The following JAK2 variants were observed in gnomAD, a reference collection of about 807,000 sequenced individuals.
The protein encoded by JAK2 is Janus kinase 2.
In JAK2, 86 loss-of-function variants were observed where a neutral mutation model predicts 139.3. The ratio of observed to expected loss-of-function variants is 0.62; its 90% CI spans 0.52 to 0.74. The LOEUF (loss-of-function observed/expected upper bound fraction) is 0.74, where lower values mean the gene tolerates loss of function less well. JAK2 is among the 30% of genes least tolerant of loss of function. The pLI is 0.00. For missense variants in JAK2, 1,421 were observed against 1,360.3 expected, an observed-to-expected ratio of 1.04 and a Z score of -0.70; for synonymous variants, 490 against 437.7, an observed-to-expected ratio of 1.12 and a Z score of -1.49.
chr9:5,041,873 C>G lies in JAK2; in HGVS notation c.351-2530C>G, dbSNP rs190525336. Reference sequence around the variant, plus strand: ...ACGCGGACGACCCCATGGCCGGCCACTCCAGCGCCCATCAGGGCGCCTGCA... The same window carrying G: ...ACGCGGACGACCCCATGGCCGGCCAGTCCAGCGCCCATCAGGGCGCCTGCA... On this transcript the variant is annotated intron_variant, in intron 4 of 24. Coordinates refer to ENST00000381652, the MANE Select transcript of JAK2 (RefSeq NM_004972.4). 54 of 437,390 alleles carry G rather than the reference C, an allele frequency of 1.2e-4. No homozygotes were observed. In the East Asian group the frequency reaches 3.2e-3, roughly 26 times the overall value. 27.1% of individuals were successfully genotyped at this position (437,390 alleles called of 1,614,324 possible).
At chr9:4,998,235 G>A (rs762150602) in intron 2 of JAK2, among the ~76,000 whole-genome samples, 2 of 151,944 alleles carry the variant, frequency 1.3e-5, no homozygotes, top group African/African-American at 4.8e-5. Flanking sequence ...GAGATCTTAA[G>A]GGAAAAAAAA....
intron 13 of JAK2, among the ~76,000 whole-genome samples, chr9:5,073,326 G>GT (rs1183183885): frequency 1.3e-5 from 2 of 152,182 alleles, no homozygotes; most frequent in East Asian, 3.8e-4. Context: ...TCTTTAGCAA[G>GT]TGTTATTTAA....
rs138754138 is a variant in JAK2 at position 5,009,962 on chromosome 9, A to G, written c.-25-12001A>G. Among the ~76,000 whole-genome samples, 641 of 152,226 alleles carry G rather than the reference A, an allele frequency of 4.2e-3. 7 individuals carry two copies. The highest frequency in any genetic ancestry group is 0.015 in the African/African-American group (617 of 41,534). ...TTTTAGATTTCTTTTTTGTAGAGAC[A>G]GGGTCTCGCAATGTTGCCGGGGCTA... On this transcript the variant is annotated intron_variant, in intron 2 of 24. Transcript: ENST00000381652.
intron 4 of JAK2, among the ~76,000 whole-genome samples, chr9:5,042,741 A>T (rs929008559): frequency 6.6e-6 from 1 of 152,180 alleles, no homozygotes; most frequent in Non-Finnish European, 1.5e-5. Flanking sequence ...GGAGGGACAC[A>T]GGCATTGCTG....
intron 4 of JAK2, chr9:5,041,817 C>A (rs1816556745): frequency 8.3e-6 from 4 of 484,188 alleles, no homozygotes; most frequent in South Asian, 6.1e-5. Flanking sequence ...CAGCAAAAAC[C>A]AGGCGCTGAA....
chr9:5,074,269 G>A (rs1819164894), intron 14 of JAK2, among the ~76,000 whole-genome samples: 1 of 151,984 alleles, frequency 6.6e-6, no homozygotes, highest in Non-Finnish European at 1.5e-5. Context: ...CGTACCCCAT[G>A]CTTTAATACT....
At chr9:5,080,202 C>G (rs745642873) in intron 16 of JAK2, 27 bp from the exon 17 acceptor site, 1 of 1,561,386 alleles carries the variant, frequency 6.4e-7, no homozygotes, top group East Asian at 2.3e-5. Context: ...AATTATTTAA[C>G]CCTACTCTGT....
At chr9:5,071,359 A>T (rs1413885405) in intron 12 of JAK2, among the ~76,000 whole-genome samples, 2 of 152,196 alleles carry the variant, frequency 1.3e-5, no homozygotes, top group African/African-American at 4.8e-5. Flanking sequence ...GAACTCCAGG[A>T]ACTTCCTATC....
chr9:5,045,921 G>C (rs1040709238), intron 5 of JAK2, among the ~76,000 whole-genome samples: 1 of 152,074 alleles, frequency 6.6e-6, no homozygotes, highest in African/African-American at 2.4e-5. Context: ...GGAATCGCTG[G>C]ATCATATGGT....
intron 10 of JAK2, among the ~76,000 whole-genome samples, chr9:5,067,649 C>CA (rs1818658625): frequency 6.6e-6 from 1 of 151,086 alleles, no homozygotes; most frequent in Non-Finnish European, 1.5e-5. Flanking sequence ...AGTATGAATT[C>CA]AAAAAAATAT....
chr9:5,120,414 CATG>C (rs934337743), intron 22 of JAK2, among the ~76,000 whole-genome samples: 1 of 152,138 alleles, frequency 6.6e-6, no homozygotes, highest in Non-Finnish European at 1.5e-5. Context: ...GGATTTTGCC[CATG>C]ATATCATTTT....
At chr9:5,077,135 A>G (rs886279864) in intron 14 of JAK2, among the ~76,000 whole-genome samples, 8 of 151,620 alleles carry the variant, frequency 5.3e-5, no homozygotes, top group African/African-American at 1.9e-4. Flanking sequence ...AGAGAAATTG[A>G]GAAATTTTCA....
intron 6 of JAK2, among the ~76,000 whole-genome samples, chr9:5,053,178 G>A (rs1380484281): frequency 3.3e-5 from 5 of 152,020 alleles, no homozygotes; most frequent in Non-Finnish European, 7.4e-5. Context: ...CTAGTGGGTG[G>A]AAGTGCTGTC....
At position 5,041,530 on chromosome 9, in the gene JAK2, T is replaced by C. The variant is rs12340135; in HGVS notation, c.351-2873T>C. The C allele has an allele frequency of 2.2e-3, 1,168 of 542,828 alleles. 10 individuals are homozygous for C. The highest frequency in any genetic ancestry group is 0.019 in the African/African-American group (1,005 of 52,698). The allele number at this position is 542,828 out of a possible 1,614,324, so 33.6% of individuals were successfully genotyped here. ...ACATAGCGCGCCACGCCCATCGAAG[T>C]GCTCTGCGAGAACTTCCCAGAGGAG... On this transcript the variant is annotated intron_variant, in intron 4 of 24. Transcript: ENST00000381652.
In JAK2 at chr9:5,090,726, GT is replaced by G. The variant is rs1477637869; in HGVS notation, c.2887-9del. On this transcript the variant is annotated splice_polypyrimidine_tract_variant and intron_variant, in intron 21 of 24. Coordinates refer to ENST00000381652, the MANE Select transcript of JAK2 (RefSeq NM_004972.4). Reference sequence around the variant, plus strand: ...TTATAAAACTAGCTGAAAGAAAAATGTTTTATCCATAGGGTATGGAGTATCT... The same window carrying G: ...TTATAAAACTAGCTGAAAGAAAAATGTTTATCCATAGGGTATGGAGTATCT... The G allele has an allele frequency of 1.9e-6, 3 of 1,575,022 alleles. No individual in the cohort carries two copies. Among genetic ancestry groups the G allele is most frequent in the African/African-American group, 2.8e-5 (2 of 72,496 alleles).
intron 19 of JAK2, chr9:5,086,023 T>G: frequency 1.3e-6 from 1 of 794,796 alleles, no homozygotes; most frequent in Admixed American, 1.7e-5. Context: ...CTATATACAT[T>G]TGGACAGGCA....
chr9:5,112,644 A>G, intron 22 of JAK2: 1 of 1,011,204 alleles, frequency 9.9e-7, no homozygotes, highest in Non-Finnish European at 1.4e-6. Flanking sequence ...GAGAAGCCCC[A>G]GACCAAACTC....
intron 2 of JAK2, among the ~76,000 whole-genome samples, chr9:4,992,823 G>C (rs1055716342): frequency 2.0e-5 from 3 of 152,158 alleles, no homozygotes; most frequent in Non-Finnish European, 4.4e-5. Flanking sequence ...GGCACAGTCT[G>C]TAGCAATTCT....
intron 22 of JAK2, chr9:5,110,924 C>A: frequency 1.7e-6 from 1 of 572,946 alleles, no homozygotes; most frequent in East Asian, 4.3e-5. Flanking sequence ...ATGAACCAGC[C>A]GCAGAGGATG....
Sources: gnomAD v4.1 joint callset for allele counts (sites outside exome capture counted in the v4.1 genomes callset) on GRCh38, gnomAD v4.1.1 for gene constraint, MANE v1.5 for transcripts, NCBI Gene and HGNC (gene_info 2026-07-23, HGNC 2026-07-21) for gene names.